The following SEMA3A variants were observed in gnomAD, a reference collection of about 807,000 sequenced individuals.
SEMA3A encodes the protein semaphorin-3A.
Under a neutral mutation model 97.9 loss-of-function variants are expected in SEMA3A, and 29 were observed. The observed-to-expected ratio is 0.30, with a 90% CI of 0.22 to 0.40. The LOEUF is 0.40. Among genes scored for constraint, SEMA3A ranks in the 10% least tolerant of loss-of-function variants. SEMA3A has a pLI of 1.00. For missense variants in SEMA3A, 763 were observed against 951.3 expected (o/e 0.80, Z 2.60); for synonymous variants, 321 against 323.7 (o/e 0.99, Z 0.09).
chr7:84,146,099 G>C (rs762167864), intron 1 of SEMA3A, among the ~76,000 whole-genome samples: 1 of 152,102 alleles, frequency 6.6e-6, no homozygotes, highest in South Asian at 2.1e-4. Flanking sequence ...TCTATCCTTC[G>C]ATGGATGCCT....
At chr7:84,318,850 G>A (rs1479216773) in intron 2 of SEMA3A, among the ~76,000 whole-genome samples, 1 of 152,126 alleles carries the variant, frequency 6.6e-6, no homozygotes. Flanking sequence ...TATCACAAAT[G>A]ATATAAAGTC....
chr7:84,094,565 C>A (rs994949383), intron 4 of SEMA3A, among the ~76,000 whole-genome samples: 1 of 152,048 alleles, frequency 6.6e-6, no homozygotes, highest in African/African-American at 2.4e-5. Context: ...TGCATGTCAT[C>A]TGCTAGATAT....
intron 2 of SEMA3A, among the ~76,000 whole-genome samples, chr7:84,342,459 T>C (rs377092577): frequency 3.9e-5 from 6 of 152,180 alleles, no homozygotes; most frequent in African/African-American, 9.6e-5. Context: ...TAAATGAAAA[T>C]TGAAGAAATT....
chr7:84,128,482 C>T (rs1226101593), intron 3 of SEMA3A, among the ~76,000 whole-genome samples: 1 of 151,994 alleles, frequency 6.6e-6, no homozygotes, highest in African/African-American at 2.4e-5. Context: ...AGTATGTATG[C>T]TACAAAGTCA....
chr7:84,133,463 T>A (rs918032445), intron 2 of SEMA3A, among the ~76,000 whole-genome samples: 1 of 152,146 alleles, frequency 6.6e-6, no homozygotes, highest in African/African-American at 2.4e-5. Flanking sequence ...TGTCACTTCT[T>A]AAAAATTATC....
At chr7:84,301,260 A>T (rs959603045) in intron 3 of SEMA3A, among the ~76,000 whole-genome samples, 2 of 152,104 alleles carry the variant, frequency 1.3e-5, no homozygotes, top group Non-Finnish European at 2.9e-5. Flanking sequence ...CAATAATAAA[A>T]TTTTTGCTTT....
intron 1 of SEMA3A, among the ~76,000 whole-genome samples, chr7:84,442,709 C>G (rs1162445225): frequency 6.6e-6 from 1 of 151,998 alleles, no homozygotes; most frequent in Non-Finnish European, 1.5e-5. Flanking sequence ...CATAAGCCAA[C>G]TATATATTGT....
intron 14 of SEMA3A, 61 bp from the exon 15 acceptor site, chr7:83,977,257 T>A: frequency 1.1e-6 from 1 of 952,042 alleles, no homozygotes. Context: ...TAGGAATTTG[T>A]CATAAGAATG....
intron 15 of SEMA3A, among the ~76,000 whole-genome samples, chr7:83,974,936 C>A (rs1028877970): frequency 6.6e-6 from 1 of 152,094 alleles, no homozygotes; most frequent in Non-Finnish European, 1.5e-5. Context: ...TGAACAGTTG[C>A]ACTTTCTCTT....
In SEMA3A at chr7:84,127,158, G is replaced by A. The variant is rs186991957; in HGVS notation, c.333+1965C>T. The stretch of plus-strand genomic sequence containing the variant: ...TGAACTCTCTTCACAAGAAGGCCCT[G>A]ACTTTCCGATTTCCATGTTCATCTC... On this transcript the variant is annotated intron_variant, in intron 3 of 16. Transcript: ENST00000265362. Among the ~76,000 whole-genome samples, 6 of 151,970 alleles carry A rather than the reference G, an allele frequency of 3.9e-5. No individual in the cohort carries two copies. The East Asian group carries it at 1.2e-3, about 30-fold the overall frequency.
chr7:84,353,097 A>G (rs1235666773), intron 2 of SEMA3A, among the ~76,000 whole-genome samples: 1 of 151,832 alleles, frequency 6.6e-6, no homozygotes, highest in Non-Finnish European at 1.5e-5. Flanking sequence ...TATATTTTAA[A>G]TTATCACTAC....
chr7:84,198,539 A>G (rs1456880477), upstream of SEMA3A, among the ~76,000 whole-genome samples: 1 of 152,230 alleles, frequency 6.6e-6, no homozygotes, highest in Non-Finnish European at 1.5e-5. Context: ...TATTTAAGGT[A>G]TAAGTGAAAT....
At chr7:84,368,713 T>C (rs1802907105) in intron 2 of SEMA3A, among the ~76,000 whole-genome samples, 2 of 151,018 alleles carry the variant, frequency 1.3e-5, no homozygotes, top group East Asian at 1.9e-4. Context: ...GTTAATTCTA[T>C]ATAAGTAATA....
chr7:84,449,158 C>T lies in SEMA3A; in HGVS notation c.-246+43302G>A, dbSNP rs561810545. Among the ~76,000 whole-genome samples the T allele has an allele frequency of 3.3e-5, 5 of 152,166 alleles. No individual in the cohort carries two copies. The South Asian group carries it at 1.0e-3, about 32-fold the overall frequency. ...AATTACTTTAAAATGGATTCATGGT[C>T]TAAAGGTAAGACCTAAAACTATAAA... is the stretch of plus-strand genomic sequence containing the variant. On this transcript the variant is annotated intron_variant, in intron 1 of 3. Coordinates refer to the SEMA3A transcript ENST00000424555.
At chr7:84,424,265 G>T (rs1269705293) in intron 1 of SEMA3A, among the ~76,000 whole-genome samples, 1 of 146,402 alleles carries the variant, frequency 6.8e-6, no homozygotes, top group Admixed American at 7.2e-5. Flanking sequence ...CCAATGAGTG[G>T]ATAAAGAAAA....
intron 1 of SEMA3A, among the ~76,000 whole-genome samples, chr7:84,143,811 GAAAAGA>G (rs1796372400): frequency 6.8e-6 from 1 of 146,444 alleles, no homozygotes; most frequent in Admixed American, 6.9e-5. Flanking sequence ...AAAAAAAAAA[GAAAAGA>G]AAAAGAAAAA....
intron 3 of SEMA3A, among the ~76,000 whole-genome samples, chr7:84,203,750 C>T (rs752743907): frequency 3.3e-5 from 5 of 151,320 alleles, no homozygotes; most frequent in African/African-American, 7.3e-5. Context: ...AGTCTGGTCT[C>T]GAACTCCTGA....
At chr7:84,044,954 T>G (rs184523127) in intron 6 of SEMA3A, among the ~76,000 whole-genome samples, 203 of 152,146 alleles carry the variant, frequency 1.3e-3, no homozygotes, top group African/African-American at 4.7e-3. Flanking sequence ...CACTACCACA[T>G]GGAAAATTAT....
Position 84,016,401 on chromosome 7 carries a change from G to A in SEMA3A, c.668-2050C>T, listed in dbSNP as rs568488511. Among the ~76,000 whole-genome samples the A allele has an allele frequency of 3.4e-3, 512 of 152,178 alleles. 2 individuals are homozygous for A. The highest frequency in any genetic ancestry group is 0.012 in the African/African-American group (490 of 41,542). On this transcript the variant is annotated intron_variant, in intron 6 of 16. Transcript: ENST00000265362. ...AAAAATACAAAAATTAGCCGAGCGT[G>A]GTGGCGGGCTCCTGTAGTCCCAGCT...
Sources: allele counts gnomAD v4.1 joint callset (sites outside exome capture counted in the v4.1 genomes callset), GRCh38; gene constraint gnomAD v4.1.1; transcripts MANE v1.5; gene names NCBI Gene and HGNC (gene_info 2026-07-23, HGNC 2026-07-21).